NKAIN2: variants seen among roughly 807,000 people sequenced by gnomAD.
NKAIN2 encodes the protein sodium/potassium-transporting ATPase subunit beta-1-interacting protein 2.
Under a neutral mutation model 32.6 loss-of-function variants are expected in NKAIN2, and 14 were observed. The ratio of observed to expected loss-of-function variants is 0.43; its 90% CI spans 0.28 to 0.67. The LOEUF (loss-of-function observed/expected upper bound fraction) is 0.67, where lower values mean the gene tolerates loss of function less well. NKAIN2 is among the 30% of genes least tolerant of loss of function. The probability of loss-of-function intolerance (pLI) is 0.17; values close to 1 mark genes in which losing one functional copy is unlikely to be tolerated. For synonymous variants in NKAIN2, 80 were observed against 87.2 expected (o/e 0.92, Z 0.46); for missense variants, 198 against 258.3 (o/e 0.77, Z 1.60).
chr6:124,729,860 G>C (rs1268057582), intron 4 of NKAIN2, among the ~76,000 whole-genome samples: 1 of 151,686 alleles, frequency 6.6e-6, no homozygotes, highest in Non-Finnish European at 1.5e-5. Context: ...CTTCAGCAAA[G>C]TCTTAGGATA....
At chr6:124,468,233 A>G (rs1776838081) in intron 3 of NKAIN2, among the ~76,000 whole-genome samples, 1 of 152,170 alleles carries the variant, frequency 6.6e-6, no homozygotes, top group South Asian at 2.1e-4. Context: ...AATTTTCAAG[A>G]TAAGTTAGAC....
intron 3 of NKAIN2, among the ~76,000 whole-genome samples, chr6:124,482,186 G>T (rs1777479809): frequency 1.3e-5 from 2 of 152,158 alleles, no homozygotes; most frequent in African/African-American, 2.4e-5. Flanking sequence ...TATGCAGGCA[G>T]ATCTTTAACT....
At chr6:124,683,636 GT>G (rs1273294192) in intron 4 of NKAIN2, among the ~76,000 whole-genome samples, 2 of 152,078 alleles carry the variant, frequency 1.3e-5, no homozygotes, top group African/African-American at 4.8e-5. Context: ...ACCAGTGTGC[GT>G]GCTTGACTAG....
intron 4 of NKAIN2, among the ~76,000 whole-genome samples, chr6:124,790,050 T>C (rs1779675513): frequency 6.6e-6 from 1 of 152,048 alleles, no homozygotes; most frequent in South Asian, 2.1e-4. Flanking sequence ...GCCTCCCCAG[T>C]GTGGGCACTG....
intron 3 of NKAIN2, among the ~76,000 whole-genome samples, chr6:124,614,808 C>T (rs1179210559): frequency 2.0e-5 from 3 of 152,146 alleles, no homozygotes; most frequent in Admixed American, 1.3e-4. Context: ...TCACATATAG[C>T]GTGTCCACAG....
At chr6:123,893,267 C>T (rs1473402234) in intron 1 of NKAIN2, among the ~76,000 whole-genome samples, 1 of 152,134 alleles carries the variant, frequency 6.6e-6, no homozygotes. Flanking sequence ...GTGGTGGGAT[C>T]ATATTTCATT....
intron 3 of NKAIN2, among the ~76,000 whole-genome samples, chr6:124,447,212 A>C (rs1211854389): frequency 1.3e-5 from 2 of 152,044 alleles, no homozygotes; most frequent in African/African-American, 4.8e-5. Context: ...CTCTGCTGAG[A>C]ATGCCCCCGT....
At chr6:124,771,703 A>G (rs1778766192) in intron 4 of NKAIN2, among the ~76,000 whole-genome samples, 1 of 152,192 alleles carries the variant, frequency 6.6e-6, no homozygotes, top group African/African-American at 2.4e-5. Context: ...TACTTTTTCT[A>G]TAGTGAGCAT....
chr6:124,647,691 A>T (rs2325851), intron 3 of NKAIN2, among the ~76,000 whole-genome samples: 1 of 152,082 alleles, frequency 6.6e-6, no homozygotes, highest in African/African-American at 2.4e-5. Flanking sequence ...TACATTTTTT[A>T]AAAATGTAGG....
chr6:123,832,242 GA>G (rs1774419329), intron 1 of NKAIN2, among the ~76,000 whole-genome samples: 1 of 152,140 alleles, frequency 6.6e-6, no homozygotes, highest in Non-Finnish European at 1.5e-5. Flanking sequence ...AGCCATTTTG[GA>G]TTGGCTTCTT....
chr6:124,753,036 G>A (rs1053645276), intron 4 of NKAIN2, among the ~76,000 whole-genome samples: 1 of 152,040 alleles, frequency 6.6e-6, no homozygotes, highest in Admixed American at 6.6e-5. Flanking sequence ...CACTGAAGAG[G>A]TCAGGTGAGG....
At chr6:123,911,972 C>T (rs1004398570) in intron 1 of NKAIN2, among the ~76,000 whole-genome samples, 2 of 150,924 alleles carry the variant, frequency 1.3e-5, no homozygotes, top group Non-Finnish European at 2.9e-5. Context: ...AGTTTATGGT[C>T]CAAATTATGT....
intron 1 of NKAIN2, among the ~76,000 whole-genome samples, chr6:123,854,899 T>C (rs1458947484): frequency 2.0e-5 from 3 of 152,194 alleles, no homozygotes; most frequent in Non-Finnish European, 4.4e-5. Context: ...CGTCTTTCCT[T>C]GGCTGAGACA....
chr6:124,079,537 G>A (rs760491632), intron 1 of NKAIN2, among the ~76,000 whole-genome samples: 6 of 152,108 alleles, frequency 3.9e-5, no homozygotes, highest in Non-Finnish European at 8.8e-5. Context: ...GAGAAACAAG[G>A]ATACATTATA....
At position 124,217,291 on chromosome 6, in the gene NKAIN2, A is replaced by C. The variant is rs186311241; in HGVS notation, c.55-65714A>C. On this transcript the variant is annotated intron_variant, in intron 1 of 6. Coordinates refer to ENST00000368417, the MANE Select transcript of NKAIN2 (RefSeq NM_001040214.3). ...AATTGTGATATTACATGTGGTTATAAATCAGGATTAAATGTTTACTTGAGA... is the reference window on the plus strand; with the variant it reads ...AATTGTGATATTACATGTGGTTATACATCAGGATTAAATGTTTACTTGAGA... Among the ~76,000 whole-genome samples, 21 of 152,256 alleles carry C rather than the reference A, an allele frequency of 1.4e-4. No homozygotes were observed. In the East Asian group the frequency reaches 4.0e-3, roughly 29 times the overall value.
intron 1 of NKAIN2, among the ~76,000 whole-genome samples, chr6:123,837,668 C>T (rs1172734565): frequency 6.6e-6 from 1 of 152,080 alleles, no homozygotes; most frequent in African/African-American, 2.4e-5. Flanking sequence ...TTTCCTTGGC[C>T]TATCTTACCA....
At chr6:124,011,240 T>C (rs1780308872) in intron 1 of NKAIN2, among the ~76,000 whole-genome samples, 1 of 152,112 alleles carries the variant, frequency 6.6e-6, no homozygotes, top group South Asian at 2.1e-4. Flanking sequence ...AGGATTCTTT[T>C]TCTCCATTCA....
intron 1 of NKAIN2, among the ~76,000 whole-genome samples, chr6:124,011,326 C>T (rs1780313102): frequency 6.6e-6 from 1 of 151,984 alleles, no homozygotes; most frequent in Non-Finnish European, 1.5e-5. Flanking sequence ...ACACATTCTA[C>T]CTGAGTATCG....
At chr6:123,896,061 A>G (rs912573290) in intron 1 of NKAIN2, among the ~76,000 whole-genome samples, 3 of 152,216 alleles carry the variant, frequency 2.0e-5, no homozygotes, top group East Asian at 3.9e-4. Flanking sequence ...CTGCATCTGC[A>G]TCTCAGACAC....
Sources: gnomAD v4.1 joint callset for allele counts (sites outside exome capture counted in the v4.1 genomes callset) on GRCh38, gnomAD v4.1.1 for gene constraint, MANE v1.5 for transcripts, NCBI Gene and HGNC (gene_info 2026-07-23, HGNC 2026-07-21) for gene names.